Variants in RGS8 observed in about 807,000 individuals in gnomAD.
RGS8 encodes regulator of G protein signaling 8.
RGS8 carries 8 observed loss-of-function variants against 21.7 expected under a neutral mutation model. The observed-to-expected ratio is 0.37, with a 90% CI of 0.22 to 0.66. The LOEUF (loss-of-function observed/expected upper bound fraction) is 0.66, where lower values mean the gene tolerates loss of function less well. Among genes scored for constraint, RGS8 ranks in the 30% least tolerant of loss-of-function variants. RGS8 has a pLI of 0.59. For missense variants in RGS8, 157 were observed against 217.9 expected (o/e 0.72, Z 1.76); for synonymous variants, 80 against 83.6 (o/e 0.96, Z 0.24).
chr1:182,646,898 G>A (rs761979099), exon 7 of RGS8: 1 of 1,613,662 alleles, frequency 6.2e-7, no homozygotes, highest in South Asian at 1.1e-5. Context: ...GGCTTCTCGG[G>A]TCTGGAAGTC....
chr1:182,652,343 A>T (rs1202460281), intron 5 of RGS8, among the ~76,000 whole-genome samples: 1 of 152,230 alleles, frequency 6.6e-6, no homozygotes, highest in East Asian at 1.9e-4. Flanking sequence ...GCCCTGTGCT[A>T]GATGAGGTAC....
At chr1:182,684,921 G>C (rs1664661796), upstream of RGS8, among the ~76,000 whole-genome samples, 1 of 152,210 alleles carries the variant, frequency 6.6e-6, no homozygotes, top group Non-Finnish European at 1.5e-5. The surrounding 1 kb of genome is among the most constrained non-coding windows in gnomAD (Gnocchi z 4.2). Context: ...CAAGGTGAAA[G>C]TGGTTGCTTT....
chr1:182,711,557 G>T, the RGS8 span, among the ~76,000 whole-genome samples: 23,299 of 152,160 alleles, frequency 0.15, 1,831 homozygotes, highest in Admixed American at 0.23. Flanking sequence ...CTGATAAGTG[G>T]CTGGGAACAC....
chr1:182,683,090 C>A (rs902101728), intron 1 of RGS8, among the ~76,000 whole-genome samples: 25 of 152,322 alleles, frequency 1.6e-4, no homozygotes, highest in African/African-American at 6.0e-4. Context: ...GGGAGGCTTA[C>A]CTTGACCTGG....
At chr1:182,715,201 G>T in the RGS8 span, among the ~76,000 whole-genome samples, 588 of 152,288 alleles carry the variant, frequency 3.9e-3, 3 homozygotes, top group African/African-American at 0.014. Context: ...TTATTCAGCA[G>T]CTCAGCAGCA....
rs375098216 is a variant in RGS8, at chr1:182,648,315, G to A, written c.194-12C>T. 1 of 1,610,512 alleles carries A rather than the reference G, an allele frequency of 6.2e-7. No homozygotes were observed. The highest frequency in any genetic ancestry group is 8.5e-7 in the Non-Finnish European group (1 of 1,178,404). On this transcript the variant is annotated splice_polypyrimidine_tract_variant and intron_variant, in intron 5 of 6. Transcript: ENST00000483095. ...TGCAGCCACCCCATCTGCGGATGTG[G>A]GAGGAAGAAAAGAAGAGAGATAGGA...
upstream of RGS8, among the ~76,000 whole-genome samples, chr1:182,686,638 A>C (rs986921754): frequency 1.4e-4 from 22 of 152,224 alleles, no homozygotes; most frequent in Admixed American, 1.2e-3. Context: ...TTTGACCTGC[A>C]AATGAAAACT....
chr1:182,745,558 T>A, the RGS8 span, among the ~76,000 whole-genome samples: 3 of 152,268 alleles, frequency 2.0e-5, no homozygotes, highest in Non-Finnish European at 2.9e-5. Flanking sequence ...AATCATTTCA[T>A]AATTGACTTC....
the RGS8 span, among the ~76,000 whole-genome samples, chr1:182,730,306 AAAC>A: frequency 5.3e-5 from 8 of 152,200 alleles, no homozygotes; most frequent in African/African-American, 1.9e-4. Flanking sequence ...CAGTTGAGTA[AAAC>A]AACACTTTAG....
At chr1:182,664,350 G>A (rs979472780) in intron 5 of RGS8, among the ~76,000 whole-genome samples, 3 of 151,598 alleles carry the variant, frequency 2.0e-5, no homozygotes, top group Admixed American at 6.6e-5. Context: ...TAGAGAAGCC[G>A]AAATCAACGA....
intron 5 of RGS8, among the ~76,000 whole-genome samples, chr1:182,649,719 T>A (rs1662904270): frequency 6.6e-6 from 1 of 152,188 alleles, no homozygotes; most frequent in Non-Finnish European, 1.5e-5. Flanking sequence ...ATATTTTTTA[T>A]TAGTTATTTC....
In RGS8 at chr1:182,684,545, TC is replaced by T. The variant is rs893445633; in HGVS notation, n.31del. On this transcript the variant is annotated non_coding_transcript_exon_variant, in exon 1 of 5. It removes the in-frame stop codon of an upstream open reading frame in the 5' UTR. Coordinates refer to the RGS8 transcript ENST00000515211. The surrounding 1 kb of genome is among the most constrained non-coding windows in gnomAD (Gnocchi z 4.2). ...AACATGCTGCTCCTGCCGGCTCCGC[TC>T]CTCTCCAGGCTCTGCATCTCATGAA... is the stretch of plus-strand genomic sequence containing the variant. 2 of 151,542 alleles carry T rather than the reference TC, an allele frequency of 1.3e-5. No homozygotes were observed. The highest frequency in any genetic ancestry group is 4.9e-5 in the African/African-American group (2 of 41,222). 9.4% of individuals were successfully genotyped at this position (151,542 alleles called of 1,614,324 possible). A position where few individuals can be genotyped will look rare whatever the true frequency, so the allele number is the denominator to read the frequency against.
At chr1:182,697,028 G>A in the RGS8 span, among the ~76,000 whole-genome samples, 2 of 152,196 alleles carry the variant, frequency 1.3e-5, no homozygotes, top group East Asian at 3.8e-4. Context: ...GGAGTCCCAA[G>A]AGAAACAGCA....
chr1:182,741,123 A>G, the RGS8 span, among the ~76,000 whole-genome samples: 5,434 of 150,520 alleles, frequency 0.036, 101 homozygotes, highest in Non-Finnish European at 0.056. Flanking sequence ...ACTTCCCAGT[A>G]GGCGCGGCCG....
At chr1:182,652,860 G>T (rs765252832) in intron 5 of RGS8, among the ~76,000 whole-genome samples, 1 of 152,104 alleles carries the variant, frequency 6.6e-6, no homozygotes, top group Non-Finnish European at 1.5e-5. Flanking sequence ...AGAGGAGAGG[G>T]CAGCTAAGCA....
At chr1:182,700,581 C>A in the RGS8 span, among the ~76,000 whole-genome samples, 1 of 152,214 alleles carries the variant, frequency 6.6e-6, no homozygotes, top group Non-Finnish European at 1.5e-5. Context: ...CATCTTCCGT[C>A]TTCTAATTCC....
chr1:182,646,431 C>G (rs773282487), exon 7 of RGS8: 35 of 309,142 alleles, frequency 1.1e-4, no homozygotes, highest in Middle Eastern at 9.4e-4. Context: ...CCTAGCACAG[C>G]AAATCTGCCC....
chr1:182,672,809 A>G (rs755307109), upstream of RGS8: 1 of 1,613,630 alleles, frequency 6.2e-7, no homozygotes, highest in Non-Finnish European at 8.5e-7. Context: ...CTTCTTTCAA[A>G]CCTCCTTACC....
At chr1:182,741,550 T>C in the RGS8 span, among the ~76,000 whole-genome samples, 1 of 109,926 alleles carries the variant, frequency 9.1e-6, no homozygotes. Context: ...GCAGAGGGGC[T>C]CCTCACTTCC....
Sources: gnomAD v4.1 joint callset for allele counts (sites outside exome capture counted in the v4.1 genomes callset) on GRCh38, gnomAD v4.1.1 for gene constraint, Gnocchi (gnomAD v3.1) non-coding constraint, MANE v1.5 for transcripts, NCBI Gene and HGNC (gene_info 2026-07-23, HGNC 2026-07-21) for gene names.